Variants in LHFPL3 observed in about 807,000 individuals in gnomAD.
LHFPL3 encodes LHFPL tetraspan subfamily member 3.
Under a neutral mutation model 19.3 loss-of-function variants are expected in LHFPL3, and 5 were observed. The observed-to-expected ratio is 0.26, with a 90% confidence interval of 0.14 to 0.54. The LOEUF (loss-of-function observed/expected upper bound fraction) is 0.54, where lower values mean the gene tolerates loss of function less well. Among genes scored for constraint, LHFPL3 ranks in the 20% least tolerant of loss-of-function variants. The probability of loss-of-function intolerance (pLI) is 0.94; values close to 1 mark genes in which losing one functional copy is unlikely to be tolerated. For synonymous variants in LHFPL3, 133 were observed against 126.2 expected, an observed-to-expected ratio of 1.05 and a Z score of -0.36; for missense variants, 249 against 307.4, an observed-to-expected ratio of 0.81 and a Z score of 1.42.
chr7:104,728,962 T>C (rs765499609), intron 1 of LHFPL3, among the ~76,000 whole-genome samples: 1 of 152,190 alleles, frequency 6.6e-6, no homozygotes. Flanking sequence ...TATAATTCAA[T>C]GAAATATAAA....
intron 1 of LHFPL3, among the ~76,000 whole-genome samples, chr7:104,629,736 T>G (rs1235380110): frequency 6.6e-6 from 1 of 152,190 alleles, no homozygotes; most frequent in Admixed American, 6.5e-5. Flanking sequence ...CTGGCCAGTG[T>G]GTGTGTCAGT....
At chr7:104,425,163 T>G (rs1791819994) in intron 1 of LHFPL3, among the ~76,000 whole-genome samples, 1 of 145,918 alleles carries the variant, frequency 6.9e-6, no homozygotes, top group Non-Finnish European at 1.5e-5. Flanking sequence ...GGGGAAGGAG[T>G]GTTGGAGTTG....
intron 1 of LHFPL3, among the ~76,000 whole-genome samples, chr7:104,355,900 C>T (rs1790264024): frequency 6.6e-6 from 1 of 152,056 alleles, no homozygotes; most frequent in South Asian, 2.1e-4. Flanking sequence ...AAAGGCAAAG[C>T]CAGCACAGAT....
chr7:104,845,458 A>C, intron 2 of LHFPL3: 4 of 1,533,406 alleles, frequency 2.6e-6, no homozygotes, highest in Non-Finnish European at 3.5e-6. Context: ...TTGTGGGTTC[A>C]GCTCTGTTTT....
chr7:104,764,996 G>A (rs1018707182), intron 2 of LHFPL3, among the ~76,000 whole-genome samples: 1 of 152,200 alleles, frequency 6.6e-6, no homozygotes, highest in East Asian at 1.9e-4. Context: ...GTTGGAGTGA[G>A]GGTTGGGGAA....
chr7:104,589,524 T>G (rs1376611993), intron 1 of LHFPL3, among the ~76,000 whole-genome samples: 1 of 152,220 alleles, frequency 6.6e-6, no homozygotes, highest in Non-Finnish European at 1.5e-5. Flanking sequence ...CGGTATTTTT[T>G]TTAGGATTTT....
intron 1 of LHFPL3, among the ~76,000 whole-genome samples, chr7:104,643,312 A>T (rs1791870307): frequency 6.6e-6 from 1 of 152,222 alleles, no homozygotes; most frequent in Non-Finnish European, 1.5e-5. Flanking sequence ...TGAAAGCTTC[A>T]TAAGACTCAG....
chr7:104,668,058 C>T (rs1022391515), intron 1 of LHFPL3: 49 of 1,613,732 alleles, frequency 3.0e-5, no homozygotes, highest in Non-Finnish European at 4.1e-5. Flanking sequence ...AGGAAACCTA[C>T]CCTATGATGT....
At chr7:104,580,088 C>T (rs1478595732) in intron 1 of LHFPL3, among the ~76,000 whole-genome samples, 4 of 152,150 alleles carry the variant, frequency 2.6e-5, no homozygotes, top group South Asian at 4.1e-4. Flanking sequence ...AATGTACTTG[C>T]AGAGACCCTC....
intron 2 of LHFPL3, among the ~76,000 whole-genome samples, chr7:104,845,161 G>C (rs1791288851): frequency 2.0e-5 from 3 of 152,284 alleles, no homozygotes; most frequent in Non-Finnish European, 2.9e-5. Context: ...ACTTGCCCAG[G>C]TCCTACAGCC....
At chr7:104,765,450 T>C (rs773672365) in intron 2 of LHFPL3, among the ~76,000 whole-genome samples, 11 of 152,202 alleles carry the variant, frequency 7.2e-5, no homozygotes, top group Non-Finnish European at 1.2e-4. Flanking sequence ...TTAACATTCA[T>C]TGGAAATTAT....
intron 1 of LHFPL3, among the ~76,000 whole-genome samples, chr7:104,409,729 G>C (rs1476827064): frequency 6.6e-6 from 1 of 152,184 alleles, no homozygotes; most frequent in African/African-American, 2.4e-5. Context: ...GTATTTAAAT[G>C]ATTAAATGGT....
At chr7:104,365,850 C>T (rs1019903474) in intron 1 of LHFPL3, among the ~76,000 whole-genome samples, 4 of 147,490 alleles carry the variant, frequency 2.7e-5, no homozygotes, top group African/African-American at 5.1e-5. Context: ...AATGTGTGGG[C>T]GGGGAGGGGA....
intron 2 of LHFPL3, among the ~76,000 whole-genome samples, chr7:104,824,448 ATAAT>A (rs1243561705): frequency 2.3e-3 from 126 of 55,804 alleles, no homozygotes; most frequent in Admixed American, 5.3e-3. Flanking sequence ...TAGATAATAT[ATAAT>A]TATATAATTT....
chr7:104,798,428 A>G (rs1361990852), intron 2 of LHFPL3: 1 of 152,202 alleles, frequency 6.6e-6, no homozygotes, highest in African/African-American at 2.4e-5. Flanking sequence ...GAAAACAAAA[A>G]TTTTAAGCAT....
At chr7:104,464,324 G>A (rs1341051219) in intron 1 of LHFPL3, among the ~76,000 whole-genome samples, 2 of 152,204 alleles carry the variant, frequency 1.3e-5, no homozygotes, top group African/African-American at 4.8e-5. Flanking sequence ...AGTGTCTGTG[G>A]CTTTTCCAGG....
chr7:104,473,115 G>A (rs1242406437), intron 1 of LHFPL3, among the ~76,000 whole-genome samples: 1 of 152,170 alleles, frequency 6.6e-6, no homozygotes, highest in Non-Finnish European at 1.5e-5. Flanking sequence ...AAATGGCTCA[G>A]CATTACACTG....
chr7:104,599,038 C>T (rs1338916659), intron 1 of LHFPL3, among the ~76,000 whole-genome samples: 4 of 152,046 alleles, frequency 2.6e-5, no homozygotes, highest in African/African-American at 9.7e-5. Flanking sequence ...TTTAAAACTC[C>T]CCTCATATGA....
chr7:104,335,835 A>G (rs1323596645), intron 1 of LHFPL3, among the ~76,000 whole-genome samples: 1 of 147,172 alleles, frequency 6.8e-6, no homozygotes, highest in East Asian at 2.0e-4. Flanking sequence ...TACCTCAGAA[A>G]TCTTTCAAAG....
Sources: gnomAD v4.1 joint callset for allele counts (sites outside exome capture counted in the v4.1 genomes callset) on GRCh38, gnomAD v4.1.1 for gene constraint, MANE v1.5 for transcripts, NCBI Gene and HGNC (gene_info 2026-07-23, HGNC 2026-07-21) for gene names.